The following PRKCI variants were observed in gnomAD, a reference collection of about 807,000 sequenced individuals.
PRKCI encodes protein kinase C iota type.
Under a neutral mutation model 84.0 loss-of-function variants are expected in PRKCI, and 43 were observed. The observed-to-expected ratio is 0.51, with a 90% CI of 0.40 to 0.66. The LOEUF (loss-of-function observed/expected upper bound fraction) is 0.66. PRKCI is among the 30% of genes least tolerant of loss of function. The pLI is 0.00. For missense variants in PRKCI, 459 were observed against 745.6 expected, an observed-to-expected ratio of 0.62 and a Z score of 4.48; for synonymous variants, 216 against 234.4, an observed-to-expected ratio of 0.92 and a Z score of 0.72.
chr3:170,240,662 A>G (rs1733107452), intron 2 of PRKCI, among the ~76,000 whole-genome samples: 1 of 152,136 alleles, frequency 6.6e-6, no homozygotes, highest in African/African-American at 2.4e-5. Flanking sequence ...TGTCGGTCTG[A>G]TCTGGAGAAA....
chr3:170,275,672 G>A (rs1283890148), intron 8 of PRKCI, among the ~76,000 whole-genome samples: 1 of 151,718 alleles, frequency 6.6e-6, no homozygotes, highest in African/African-American at 2.4e-5. Context: ...TGACTATTAA[G>A]TATTTTATCA....
At chr3:170,280,452 C>CTTT in intron 9 of PRKCI, 49 bp downstream of exon 9, 8 of 1,135,160 alleles carry the variant, frequency 7.0e-6, no homozygotes, top group East Asian at 3.1e-5. Context: ...GAATACTATT[C>CTTT]TTTTTTTTTT....
At chr3:170,299,506 C>A (rs545198336) in intron 17 of PRKCI, among the ~76,000 whole-genome samples, 1 of 152,204 alleles carries the variant, frequency 6.6e-6, no homozygotes, top group Non-Finnish European at 1.5e-5. Flanking sequence ...GGATTACAGG[C>A]GTGAGCCACT....
Position 170,222,437 on chromosome 3 carries a change from T to C in PRKCI, c.-233T>C, listed in dbSNP as rs1207991709. 1 of 446,514 alleles carries C rather than the reference T, an allele frequency of 2.2e-6. No homozygotes were observed. The highest frequency in any genetic ancestry group is 3.9e-6 in the Non-Finnish European group (1 of 256,738). 27.7% of individuals were successfully genotyped at this position (446,514 alleles called of 1,614,324 possible). A position where few individuals can be genotyped will look rare whatever the true frequency, so the allele number is the denominator to read the frequency against. On this transcript the variant is annotated 5_prime_UTR_variant, in exon 1 of 18. Transcript: ENST00000295797. Reference sequence around the variant, plus strand: ...GTGGGAGGGACCGACGCAGGAGGTGTCTTGGGCCCGGGCGGCTGTAGAGGC... The same window carrying C: ...GTGGGAGGGACCGACGCAGGAGGTGCCTTGGGCCCGGGCGGCTGTAGAGGC...
intron 1 of PRKCI, among the ~76,000 whole-genome samples, chr3:170,228,614 T>C (rs1044072647): frequency 1.6e-5 from 2 of 127,160 alleles, no homozygotes; most frequent in African/African-American, 6.2e-5. Context: ...TATATATATA[T>C]ATACACACAC....
intron 8 of PRKCI, among the ~76,000 whole-genome samples, chr3:170,277,105 A>T (rs1420330620): frequency 6.8e-6 from 1 of 146,722 alleles, no homozygotes; most frequent in Non-Finnish European, 1.5e-5. Flanking sequence ...AAAAAAAATT[A>T]GGGCGTGGTG....
chr3:170,273,166 CACTT>C (rs563856887), intron 6 of PRKCI, 116 bp from the exon 7 acceptor site: 8 of 775,304 alleles, frequency 1.0e-5, no homozygotes, highest in South Asian at 5.4e-5. Flanking sequence ...AGTAAATTCT[CACTT>C]AAGTTATATT....
intron 8 of PRKCI, among the ~76,000 whole-genome samples, chr3:170,275,714 T>G (rs939836264): frequency 3.3e-5 from 5 of 152,142 alleles, no homozygotes; most frequent in African/African-American, 1.2e-4. Flanking sequence ...ATTAAAATGA[T>G]TTGATTAAAA....
chr3:170,298,779 G>T (rs978652526), intron 16 of PRKCI, among the ~76,000 whole-genome samples: 2 of 152,222 alleles, frequency 1.3e-5, no homozygotes, highest in African/African-American at 4.8e-5. Flanking sequence ...GGCCTCAAGT[G>T]ATCCTCCCAT....
chr3:170,265,603 C>G (rs1262598270), intron 4 of PRKCI, among the ~76,000 whole-genome samples: 1 of 151,356 alleles, frequency 6.6e-6, no homozygotes, highest in Non-Finnish European at 1.5e-5. Context: ...ATCGAAATAG[C>G]TCTAAACTTT....
intron 5 of PRKCI, among the ~76,000 whole-genome samples, chr3:170,268,292 CAACATGGCAA>C (rs1287220702): frequency 6.6e-6 from 1 of 152,056 alleles, no homozygotes; most frequent in Non-Finnish European, 1.5e-5. Flanking sequence ...CCAGCCTGGC[CAACATGGCAA>C]AACCTTATCT....
In PRKCI at chr3:170,236,287, G is replaced by A. The variant is rs1291483011; in HGVS notation, c.223+936G>A. Among the ~76,000 whole-genome samples the A allele has an allele frequency of 3.3e-5, 5 of 151,540 alleles. No individual in the cohort carries two copies. In the East Asian group the frequency reaches 9.8e-4, roughly 30 times the overall value. ...AGATAATTTTTGTATTTGTAGTAGAGACGGGGTTTTGCCGTGTTGCCCAGG... is the reference window on the plus strand; with the variant it reads ...AGATAATTTTTGTATTTGTAGTAGAAACGGGGTTTTGCCGTGTTGCCCAGG... On this transcript the variant is annotated intron_variant, in intron 2 of 17. Coordinates refer to ENST00000295797, the MANE Select transcript of PRKCI (RefSeq NM_002740.6).
intron 3 of PRKCI, among the ~76,000 whole-genome samples, chr3:170,261,520 G>GT (rs1339111015): frequency 4.0e-5 from 6 of 149,092 alleles, no homozygotes; most frequent in Non-Finnish European, 3.0e-5. Context: ...GTTTCACTCT[G>GT]TTGCCCAGGC....
intron 17 of PRKCI, among the ~76,000 whole-genome samples, chr3:170,301,703 A>G (rs181270067): frequency 1.1e-4 from 17 of 152,206 alleles, no homozygotes; most frequent in Admixed American, 6.5e-4. Context: ...GACACACCCT[A>G]GTTCAGGCCT....
intron 4 of PRKCI, 120 bp downstream of exon 4, chr3:170,263,549 C>T: frequency 2.6e-6 from 2 of 767,756 alleles, no homozygotes; most frequent in Admixed American, 2.7e-5. Context: ...TGCCTGTAAT[C>T]CCAGCACTGT....
intron 6 of PRKCI, 53 bp downstream of exon 6, chr3:170,270,614 C>CACTGCT: frequency 6.6e-7 from 1 of 1,512,906 alleles, no homozygotes. Context: ...TGCTTGATAA[C>CACTGCT]ACTGCTATAA....
At chr3:170,240,122 A>T (rs1733089961) in intron 2 of PRKCI, among the ~76,000 whole-genome samples, 1 of 152,110 alleles carries the variant, frequency 6.6e-6, no homozygotes. Context: ...TGATTGTGCC[A>T]CTGCACTCCA....
chr3:170,240,621 C>T (rs951940750), intron 2 of PRKCI, among the ~76,000 whole-genome samples: 4 of 151,988 alleles, frequency 2.6e-5, no homozygotes, highest in African/African-American at 9.7e-5. Context: ...ATTTTGTCAC[C>T]TTTGTTTTTA....
chr3:170,247,822 C>T (rs1560170583), intron 2 of PRKCI, among the ~76,000 whole-genome samples: 1 of 151,418 alleles, frequency 6.6e-6, no homozygotes, highest in Admixed American at 6.6e-5. Context: ...TTCCACCTCC[C>T]AGAAAAAGGA....
Sources: gnomAD v4.1 joint callset for allele counts (sites outside exome capture counted in the v4.1 genomes callset) on GRCh38, gnomAD v4.1.1 for gene constraint, MANE v1.5 for transcripts, NCBI Gene and HGNC (gene_info 2026-07-23, HGNC 2026-07-21) for gene names.